PCDHGA8: variants seen among roughly 807,000 people sequenced by gnomAD.
The protein encoded by PCDHGA8 is protocadherin gamma-A8.
In PCDHGA8, 45 loss-of-function variants were observed where a neutral mutation model predicts 59.2. The ratio of observed to expected loss-of-function variants is 0.76; its 90% CI spans 0.60 to 0.98. The LOEUF (loss-of-function observed/expected upper bound fraction) is 0.98, where lower values mean the gene tolerates loss of function less well. Ranked by LOEUF, PCDHGA8 falls within the 50% of genes least tolerant of loss-of-function variation. PCDHGA8 has a pLI of 0.00. For synonymous variants in PCDHGA8, 531 were observed against 519.0 expected (o/e 1.02, Z -0.32); for missense variants, 1,257 against 1,196.2 (o/e 1.05, Z -0.75).
At chr5:141,430,841 T>C (rs757539834) in intron 1 of PCDHGA8, 1 of 1,566,462 alleles carries the variant, frequency 6.4e-7, no homozygotes, top group South Asian at 1.2e-5. Flanking sequence ...GGAGACCGGA[T>C]GCACCCAGAT....
intron 1 of PCDHGA8, chr5:141,433,358 C>CCTATCTATCTATCTATCTATCTAT: frequency 9.9e-6 from 5 of 503,368 alleles, no homozygotes; most frequent in South Asian, 2.6e-5. Flanking sequence ...CTACTGTCTG[C>CCTATCTATCTATCTATCTATCTAT]CTATCTATCT....
intron 1 of PCDHGA8, chr5:141,399,317 C>T (rs368407532): frequency 2.0e-5 from 33 of 1,613,814 alleles, no homozygotes; most frequent in Non-Finnish European, 2.8e-5. Flanking sequence ...TCCAAAAATT[C>T]GTATAAGTTG....
Position 141,392,741 on chromosome 5 carries a change from C to T in PCDHGA8, c.-73C>T. 7.0e-7 allele frequency: 1 copy of T among 1,435,876 alleles called. No individual in the cohort carries two copies. 88.9% of individuals were successfully genotyped at this position (1,435,876 alleles called of 1,614,324 possible). On this transcript the variant is annotated 5_prime_UTR_variant, in exon 1 of 4. Transcript: ENST00000398604. ...TTCCGGAGGATTGTCATCTCCATAGCTGCGGCAAGAAACTAAATAAGACCC... is the reference window on the plus strand; with the variant it reads ...TTCCGGAGGATTGTCATCTCCATAGTTGCGGCAAGAAACTAAATAAGACCC...
Position 141,490,629 on chromosome 5 carries a change from C to T in PCDHGA8, c.2425-4178C>T, listed in dbSNP as rs1174984711. 1.2e-6 allele frequency: 2 copies of T among 1,614,214 alleles called. No individual in the cohort carries two copies. Among genetic ancestry groups the T allele is most frequent in the East Asian group, 2.2e-5 (1 of 44,882 alleles). On this transcript the variant is annotated intron_variant, in intron 1 of 3. Coordinates refer to ENST00000398604, the MANE Select transcript of PCDHGA8 (RefSeq NM_032088.2). This position sits in a 1 kb window ranked among gnomAD's most constrained non-coding sequence, Gnocchi z 5.4. ...ACCAGCAGCTTTACACTGCTTACAT[C>T]CTAGAAAACCGGCCTCCGGGCTCCC...
At chr5:141,405,868 C>T (rs528188485) in intron 1 of PCDHGA8, among the ~76,000 whole-genome samples, 1 of 152,280 alleles carries the variant, frequency 6.6e-6, no homozygotes, top group Non-Finnish European at 1.5e-5. Context: ...TCACTTTTCA[C>T]TGGGCCTAAT....
At chr5:141,444,670 C>G (rs1174911888) in intron 1 of PCDHGA8, among the ~76,000 whole-genome samples, 1 of 152,052 alleles carries the variant, frequency 6.6e-6, no homozygotes, top group African/African-American at 2.4e-5. Context: ...CCATTTTTTT[C>G]AATACCATTT....
At chr5:141,413,970 G>A in intron 1 of PCDHGA8, 1 of 1,613,450 alleles carries the variant, frequency 6.2e-7, no homozygotes, top group Non-Finnish European at 8.5e-7. Flanking sequence ...GCACTCAGCT[G>A]CTGACAGTCA....
Position 141,511,042 on chromosome 5 carries a change from G to C in PCDHGA8, c.2668G>C (p.Asp890His), listed in dbSNP as rs774071540. Residue 890 changes from aspartate (D) to histidine (H), a missense_variant, in exon 4 of 4, where the codon GAC becomes CAC. Transcript: ENST00000398604. Reference sequence around the variant, plus strand: ...CCAGTTCACCCTGCAGCACGTGCCCGACTACCGCCAGAATGTCTACATCCC... The same window carrying C: ...CCAGTTCACCCTGCAGCACGTGCCCCACTACCGCCAGAATGTCTACATCCC... ...GPQFTLQHVP[D>H]YRQNVYIPGS... 6.2e-7 allele frequency: 1 copy of C among 1,614,182 alleles called. No homozygotes were observed. Among genetic ancestry groups the C allele is most frequent in the South Asian group, 1.1e-5 (1 of 91,084 alleles).
chr5:141,415,293 C>G, intron 1 of PCDHGA8: 1 of 1,614,192 alleles, frequency 6.2e-7, no homozygotes, highest in Non-Finnish European at 8.5e-7. Flanking sequence ...CGGTCTCCTG[C>G]GTCTTCCTGG....
intron 1 of PCDHGA8, chr5:141,410,620 G>T (rs765125633): frequency 6.2e-7 from 1 of 1,603,524 alleles, no homozygotes. Flanking sequence ...CTCTGACTTC[G>T]GTGAGTTTCT....
At position 141,489,077 on chromosome 5, in the gene PCDHGA8, C is replaced by T. The variant is rs957205894; in HGVS notation, c.2425-5730C>T. 7 of 325,682 alleles carry T rather than the reference C, an allele frequency of 2.1e-5. 1 individual carries two copies. Among genetic ancestry groups the T allele is most frequent in the South Asian group, 1.5e-4 (3 of 20,214 alleles). 20.2% of individuals were successfully genotyped at this position (325,682 alleles called of 1,614,324 possible). The stretch of plus-strand genomic sequence containing the variant: ...AGCTCCCCTCCCCCCTGCCCACCCC[C>T]GCCACTCGGTGACTAAGAACTGCTG... On this transcript the variant is annotated intron_variant, in intron 1 of 3. Transcript: ENST00000398604. This position sits in a 1 kb window ranked among gnomAD's most constrained non-coding sequence, Gnocchi z 4.5.
chr5:141,452,303 G>C (rs1271182127), intron 1 of PCDHGA8, among the ~76,000 whole-genome samples: 1 of 152,048 alleles, frequency 6.6e-6, no homozygotes, highest in Non-Finnish European at 1.5e-5. Flanking sequence ...GAAAATATTA[G>C]AGACTCATAC....
Position 141,431,041 on chromosome 5 carries a change from G to C in PCDHGA8, c.2424+35804G>C, listed in dbSNP as rs2097339173. On this transcript the variant is annotated intron_variant, in intron 1 of 3. Coordinates refer to ENST00000398604, the MANE Select transcript of PCDHGA8 (RefSeq NM_032088.2). The surrounding 1 kb of genome is among the most constrained non-coding windows in gnomAD (Gnocchi z 4.8). ...CGGCGGGCAGGATAGACCGGGAGGA[G>C]CTCTGTATGGGGGCCATCAAGTGTC... The C allele has an allele frequency of 6.2e-7, 1 of 1,614,116 alleles. No homozygotes were observed. Among genetic ancestry groups the C allele is most frequent in the Non-Finnish European group, 8.5e-7 (1 of 1,180,046 alleles).
chr5:141,468,528 G>A (rs2154569956), intron 1 of PCDHGA8: 1 of 152,056 alleles, frequency 6.6e-6, no homozygotes, highest in South Asian at 2.1e-4. Context: ...TTTTTTGCAG[G>A]TAGTTTCCTG....
At position 141,429,460 on chromosome 5, in the gene PCDHGA8, C is replaced by T. The variant is rs528924726; in HGVS notation, c.2424+34223C>T. The stretch of plus-strand genomic sequence containing the variant: ...AAACTCTTGGGCTACAGTAATCCTC[C>T]CACCTCAATCTCCAGAGTAGCTGAG... On this transcript the variant is annotated intron_variant, in intron 1 of 3. Transcript: ENST00000398604. Among the ~76,000 whole-genome samples the T allele has an allele frequency of 1.6e-4, 25 of 151,938 alleles. 1 individual carries two copies. The South Asian group carries it at 4.6e-3, about 28-fold the overall frequency.
In PCDHGA8 at chr5:141,393,592, G is replaced by T. The variant is rs200863279; in HGVS notation, c.779G>T (p.Arg260Leu). Reference sequence around the variant, plus strand: ...CTTGAGAACATGCCCCCAGGCACGCGGCTGCTTACTGTAACAGCCAGCGAC... The same window carrying T: ...CTTGAGAACATGCCCCCAGGCACGCTGCTGCTTACTGTAACAGCCAGCGAC... ...KVLENMPPGT[R>L]LLTVTASDPD... Residue 260 changes from arginine (R) to leucine (L), a missense_variant, in exon 1 of 4, where the codon CGG becomes CTG. Transcript: ENST00000398604. 6.2e-7 allele frequency: 1 copy of T among 1,613,908 alleles called. No homozygotes were observed. The highest frequency in any genetic ancestry group is 1.1e-5 in the South Asian group (1 of 91,086).
intron 1 of PCDHGA8, chr5:141,414,493 GCT>G: frequency 6.2e-7 from 1 of 1,613,950 alleles, no homozygotes; most frequent in Non-Finnish European, 8.5e-7. Context: ...ATCAACGGAA[GCT>G]CACTTTATGC....
chr5:141,421,847 C>G, intron 1 of PCDHGA8: 1 of 1,613,752 alleles, frequency 6.2e-7, no homozygotes, highest in Non-Finnish European at 8.5e-7. Flanking sequence ...GAGAAAGAGG[C>G]TGCTCACCTG....
chr5:141,508,043 T>A (rs2099865910), intron 3 of PCDHGA8: 1 of 152,252 alleles, frequency 6.6e-6, no homozygotes, highest in Non-Finnish European at 1.5e-5. Context: ...CAGCCAGCTG[T>A]GTTCCAGCTA....
Sources: gnomAD v4.1 joint callset for allele counts (sites outside exome capture counted in the v4.1 genomes callset) on GRCh38, gnomAD v4.1.1 for gene constraint, Gnocchi (gnomAD v3.1) non-coding constraint, MANE v1.5 for transcripts, NCBI Gene and HGNC (gene_info 2026-07-23, HGNC 2026-07-21) for gene names.